Variants in SLC30A7 observed in about 807,000 individuals in gnomAD.
The protein encoded by SLC30A7 is solute carrier family 30 member 7, also known as zinc transporter 7.
SLC30A7 carries 35 observed loss-of-function variants against 46.0 expected under a neutral mutation model. That is an observed-to-expected ratio of 0.76 (90% CI 0.58 to 1.01). The LOEUF (loss-of-function observed/expected upper bound fraction) is 1.01. SLC30A7 is among the 50% of genes least tolerant of loss of function. The pLI, the probability that SLC30A7 is intolerant of heterozygous loss-of-function variation, is 0.00. For synonymous variants in SLC30A7, 147 were observed against 157.8 expected (o/e 0.93, Z 0.51); for missense variants, 464 against 451.1 (o/e 1.03, Z -0.26).
chr1:100,925,737 T>G (rs1653254511), intron 8 of SLC30A7, among the ~76,000 whole-genome samples: 1 of 152,202 alleles, frequency 6.6e-6, no homozygotes, highest in African/African-American at 2.4e-5. Context: ...AAGAGGACTG[T>G]AGATAAAAAA....
intron 8 of SLC30A7, among the ~76,000 whole-genome samples, chr1:100,940,474 A>T (rs1654272357): frequency 6.6e-6 from 1 of 152,218 alleles, no homozygotes; most frequent in Non-Finnish European, 1.5e-5. Flanking sequence ...GAAAGTCACA[A>T]GACACAATAA....
chr1:100,961,196 T>C (rs944071373), intron 8 of SLC30A7, among the ~76,000 whole-genome samples: 1 of 151,882 alleles, frequency 6.6e-6, no homozygotes, highest in Non-Finnish European at 1.5e-5. Flanking sequence ...ATCCTGACCT[T>C]GTGATCCACC....
Position 100,976,318 on chromosome 1 carries a change from C to G in SLC30A7, c.*1461C>G, listed in dbSNP as rs2101106944. On this transcript the variant is annotated 3_prime_UTR_variant, in exon 11 of 11. Transcript: ENST00000357650. Reference sequence around the variant, plus strand: ...TTTGTTTTCCTGTTTAGGCTTTGCACAAATACAATTGCTTTCAGGAATCCT... The same window carrying G: ...TTTGTTTTCCTGTTTAGGCTTTGCAGAAATACAATTGCTTTCAGGAATCCT... The G allele has an allele frequency of 6.6e-6, 1 of 152,276 alleles. No homozygotes were observed. Among genetic ancestry groups the G allele is most frequent in the South Asian group, 2.1e-4 (1 of 4,824 alleles). The allele number at this position is 152,276 out of a possible 1,614,324, so 9.4% of individuals were successfully genotyped here.
intron 8 of SLC30A7, among the ~76,000 whole-genome samples, chr1:100,950,185 C>T (rs1441059831): frequency 1.3e-5 from 2 of 152,180 alleles, no homozygotes; most frequent in Non-Finnish European, 2.9e-5. Context: ...CTGGGTATAG[C>T]CTGCCCTTAA....
rs1279656035 is a variant in SLC30A7, at chr1:100,976,663, A to C, written c.*1806A>C. On this transcript the variant is annotated 3_prime_UTR_variant, in exon 11 of 11. Transcript: ENST00000357650. Reference sequence around the variant, plus strand: ...GAAACAATTATTAAGAATGTAGATCAATAAGTACTTTTTAGTGATGTGGCA... The same window carrying C: ...GAAACAATTATTAAGAATGTAGATCCATAAGTACTTTTTAGTGATGTGGCA... 6.6e-6 allele frequency: 1 copy of C among 152,614 alleles called. No individual in the cohort carries two copies. The highest frequency in any genetic ancestry group is 2.4e-5 in the African/African-American group (1 of 41,466). The allele number at this position is 152,614 out of a possible 1,614,324, so 9.5% of individuals were successfully genotyped here. A position where few individuals can be genotyped will look rare whatever the true frequency, so the allele number is the denominator to read the frequency against.
At chr1:100,925,172 A>G (rs1230276571) in intron 8 of SLC30A7, among the ~76,000 whole-genome samples, 1 of 152,234 alleles carries the variant, frequency 6.6e-6, no homozygotes, top group Non-Finnish European at 1.5e-5. Flanking sequence ...TTGTCAGAGG[A>G]AGAACATTCT....
rs1161000445 is a variant in SLC30A7, at chr1:100,933,866, C to A, written c.842+12025C>A. 2.6e-5 allele frequency among the ~76,000 whole-genome samples: 4 copies of A among 152,218 alleles called. No individual in the cohort carries two copies. The South Asian group carries it at 6.2e-4, about 24-fold the overall frequency. ...AGTCTTTGCTGGAGGCATGTCCTAACAATTCTTTAAGGTTCAGTTCTAATA... is the reference window on the plus strand; with the variant it reads ...AGTCTTTGCTGGAGGCATGTCCTAAAAATTCTTTAAGGTTCAGTTCTAATA... On this transcript the variant is annotated intron_variant, in intron 8 of 10. Transcript: ENST00000357650.
intron 10 of SLC30A7, among the ~76,000 whole-genome samples, chr1:100,974,359 T>C (rs1656337040): frequency 6.6e-6 from 1 of 152,166 alleles, no homozygotes; most frequent in South Asian, 2.1e-4. Flanking sequence ...TATCCTTGAG[T>C]AGCAAGTTCA....
intron 10 of SLC30A7, among the ~76,000 whole-genome samples, chr1:100,970,602 T>C (rs2101098341): frequency 6.6e-6 from 1 of 151,784 alleles, no homozygotes; most frequent in Non-Finnish European, 1.5e-5. Flanking sequence ...TTTTTCCCCT[T>C]GCACTAATTT....
intron 6 of SLC30A7, among the ~76,000 whole-genome samples, chr1:100,915,201 CTTT>C (rs1557981211): frequency 2.1e-5 from 2 of 95,450 alleles, no homozygotes; most frequent in African/African-American, 7.8e-5. Flanking sequence ...TCTTTTCTTT[CTTT>C]CTTTCTTTCT....
intron 8 of SLC30A7, among the ~76,000 whole-genome samples, chr1:100,952,297 G>A (rs541308967): frequency 1.3e-5 from 2 of 152,310 alleles, no homozygotes; most frequent in Non-Finnish European, 2.9e-5. Context: ...GCTTGGACAA[G>A]TCACTTAGCT....
chr1:100,955,511 G>A (rs950062327), intron 8 of SLC30A7, among the ~76,000 whole-genome samples: 6 of 152,016 alleles, frequency 3.9e-5, no homozygotes, highest in Admixed American at 3.3e-4. Flanking sequence ...GTGCTTCATT[G>A]TGAATGCTAG....
chr1:100,904,488 A>G (rs1033057892), intron 2 of SLC30A7, among the ~76,000 whole-genome samples: 4 of 151,626 alleles, frequency 2.6e-5, no homozygotes, highest in African/African-American at 9.7e-5. Flanking sequence ...TATCTGGGTC[A>G]ATATCTTGGT....
intron 8 of SLC30A7, among the ~76,000 whole-genome samples, chr1:100,953,979 A>T (rs1655084310): frequency 6.6e-6 from 1 of 152,132 alleles, no homozygotes; most frequent in Admixed American, 6.5e-5. Flanking sequence ...ATATGACTGA[A>T]TTGGGAGGCT....
At chr1:100,990,893 TATACTTAC>T in the SLC30A7 span, among the ~76,000 whole-genome samples, 1 of 152,378 alleles carries the variant, frequency 6.6e-6, no homozygotes, top group South Asian at 2.1e-4. Flanking sequence ...CTTGACAAGC[TATACTTAC>T]ACTCTACAAT....
chr1:100,906,235 A>G (rs147017685), intron 2 of SLC30A7, among the ~76,000 whole-genome samples: 1 of 152,282 alleles, frequency 6.6e-6, no homozygotes, highest in African/African-American at 2.4e-5. Flanking sequence ...CAAGTTCTGC[A>G]CATATCTCTT....
chr1:100,992,439 G>T, the SLC30A7 span, among the ~76,000 whole-genome samples: 1 of 152,080 alleles, frequency 6.6e-6, no homozygotes, highest in Admixed American at 6.5e-5. Context: ...TACTATAAAA[G>T]AATGCCAATT....
chr1:100,965,904 A>G lies in SLC30A7; in HGVS notation c.1069A>G (p.Asn357Asp), dbSNP rs1176118037. 6.2e-7 allele frequency: 1 copy of G among 1,611,982 alleles called. No individual in the cohort carries two copies. The highest frequency in any genetic ancestry group is 2.2e-5 in the East Asian group (1 of 44,856). The change falls in exon 10 of 11, where the codon AAT becomes GAT. Residue 357 changes from asparagine to aspartate, a missense_variant. Asn to Asp is a conservative substitution (Grantham distance 23). Transcript: ENST00000357650. ...DARWILSQTH[N>D]IFTQAGVRQL... ...TAGGTGGATTTTAAGCCAAACACAT[A>G]ATATTTTTACTCAGGTATGTCTTTT...
At position 100,911,101 on chromosome 1, in the gene SLC30A7, G is replaced by GCCT. The variant is rs1557977915; in HGVS notation, c.336_338dup (p.Leu113dup). 24 of 1,612,002 alleles carry GCCT rather than the reference G, an allele frequency of 1.5e-5. No individual in the cohort carries two copies. The highest frequency in any genetic ancestry group is 2.0e-5 in the Non-Finnish European group (23 of 1,178,774). On this transcript the variant is annotated inframe_insertion, in exon 4 of 11. Transcript: ENST00000357650. ...GAAGTTCTGGCTGGCTTTGTCAATG[G>GCCT]CCTATTTTTGATCTTCACTGCTTTT...
Sources: gnomAD v4.1 joint callset for allele counts (sites outside exome capture counted in the v4.1 genomes callset) on GRCh38, gnomAD v4.1.1 for gene constraint, MANE v1.5 for transcripts, NCBI Gene and HGNC (gene_info 2026-07-23, HGNC 2026-07-21) for gene names.